FRAS1: variants seen among roughly 807,000 people sequenced by gnomAD.
The protein encoded by FRAS1 is Fraser extracellular matrix complex subunit 1.
Under a neutral mutation model 435.2 loss-of-function variants are expected in FRAS1, and 290 were observed. The observed-to-expected ratio is 0.67, with a 90% CI of 0.61 to 0.73. FRAS1 has a LOEUF of 0.73. Among genes scored for constraint, FRAS1 ranks in the 30% least tolerant of loss-of-function variants. FRAS1 has a pLI of 0.00. For synonymous variants in FRAS1, 1,800 were observed against 1,851.0 expected (o/e 0.97, Z 0.71); for missense variants, 4,860 against 5,001.5 (o/e 0.97, Z 0.85).
chr4:78,186,733 A>G (rs1239631629), intron 2 of FRAS1, among the ~76,000 whole-genome samples: 2 of 152,234 alleles, frequency 1.3e-5, no homozygotes, highest in African/African-American at 4.8e-5. Context: ...AACTAAATAT[A>G]TAAATAACAA....
intron 2 of FRAS1, among the ~76,000 whole-genome samples, chr4:78,209,375 A>T (rs1026517774): frequency 6.6e-6 from 1 of 152,080 alleles, no homozygotes. Context: ...AAGCAATGGA[A>T]GACACCACAG....
chr4:78,217,368 C>A (rs1314505352), intron 2 of FRAS1, among the ~76,000 whole-genome samples: 2 of 152,138 alleles, frequency 1.3e-5, no homozygotes, highest in Non-Finnish European at 2.9e-5. Context: ...ATAAAATTAA[C>A]CATGACATAT....
chr4:78,181,218 C>A, intron 2 of FRAS1: 2 of 1,609,468 alleles, frequency 1.2e-6, no homozygotes, highest in Non-Finnish European at 1.7e-6. Context: ...GCCTTCCACT[C>A]ATCCAAAGTC....
intron 2 of FRAS1, among the ~76,000 whole-genome samples, chr4:78,209,208 G>A (rs926522721): frequency 1.3e-5 from 2 of 151,924 alleles, no homozygotes; most frequent in Admixed American, 1.3e-4. Context: ...AGTTTAGGTC[G>A]TACTGAAAAG....
intron 59 of FRAS1, among the ~76,000 whole-genome samples, chr4:78,489,491 A>G (rs1402000003): frequency 1.3e-5 from 2 of 152,150 alleles, no homozygotes; most frequent in African/African-American, 4.8e-5. Flanking sequence ...AAGGAGGGAG[A>G]GGAGGGTCTC....
chr4:78,447,974 G>T, intron 43 of FRAS1, 79 bp from the exon 44 acceptor site: 1 of 1,348,514 alleles, frequency 7.4e-7, no homozygotes. Flanking sequence ...ATACTACTTG[G>T]AAAAATCAGA....
At chr4:78,215,248 T>TGCAA (rs536785854) in intron 2 of FRAS1, among the ~76,000 whole-genome samples, 21 of 151,984 alleles carry the variant, frequency 1.4e-4, no homozygotes, top group Admixed American at 2.6e-4. Flanking sequence ...CAGGCTGGAG[T>TGCAA]GCAATGGTGT....
intron 15 of FRAS1, among the ~76,000 whole-genome samples, chr4:78,311,119 A>C: frequency 6.6e-6 from 1 of 152,184 alleles, no homozygotes; most frequent in East Asian, 1.9e-4. Flanking sequence ...TAATAAATCA[A>C]AGCATAATAA....
Position 78,452,279 on chromosome 4 carries a change from A to G in FRAS1, c.6688A>G (p.Ser2230Gly). The change falls in exon 47 of 74, where the codon AGT becomes GGT. Residue 2230 changes from serine (S) to glycine (G), a missense_variant. Coordinates refer to ENST00000512123, the MANE Select transcript of FRAS1 (RefSeq NM_025074.7). ...TLQLSATDQD[S>G]GPTELIYRIT... ...GCAGCTGTCTGCCACTGACCAGGAC[A>G]GTGGGCCTACAGAATTGATCTACAG... 1 of 1,613,626 alleles carries G rather than the reference A, an allele frequency of 6.2e-7. No individual in the cohort carries two copies. The highest frequency in any genetic ancestry group is 1.3e-5 in the African/African-American group (1 of 75,026).
At chr4:78,206,384 G>C (rs1723257979) in intron 2 of FRAS1, among the ~76,000 whole-genome samples, 1 of 152,114 alleles carries the variant, frequency 6.6e-6, no homozygotes, top group Non-Finnish European at 1.5e-5. Context: ...CCTTAAGAAA[G>C]AAGCTGCCCA....
At chr4:78,082,180 T>A (rs758290613) in intron 2 of FRAS1, among the ~76,000 whole-genome samples, 2 of 152,136 alleles carry the variant, frequency 1.3e-5, no homozygotes, top group African/African-American at 2.4e-5. Context: ...CTATAGCAAT[T>A]TGATTCCCAC....
intron 61 of FRAS1, among the ~76,000 whole-genome samples, chr4:78,506,343 C>G (rs1720840759): frequency 6.6e-6 from 1 of 152,232 alleles, no homozygotes; most frequent in African/African-American, 2.4e-5. Flanking sequence ...TTCAGCTATG[C>G]CCTGCCCACA....
At chr4:78,236,829 T>C (rs1362697661) in intron 2 of FRAS1, among the ~76,000 whole-genome samples, 2 of 152,182 alleles carry the variant, frequency 1.3e-5, no homozygotes, top group Non-Finnish European at 2.9e-5. Flanking sequence ...AGTAATAACA[T>C]AGTAACATTA....
intron 2 of FRAS1, among the ~76,000 whole-genome samples, chr4:78,098,952 T>A (rs941063812): frequency 2.6e-5 from 4 of 152,202 alleles, no homozygotes; most frequent in African/African-American, 9.6e-5. Context: ...GCTCTCTTTT[T>A]ATGGGTGGGA....
intron 50 of FRAS1, among the ~76,000 whole-genome samples, chr4:78,466,985 A>G (rs1175820865): frequency 6.6e-6 from 1 of 152,178 alleles, no homozygotes; most frequent in Non-Finnish European, 1.5e-5. Context: ...TTTATGGGGT[A>G]CATGAGATGT....
intron 2 of FRAS1, among the ~76,000 whole-genome samples, chr4:78,196,418 T>A (rs567111060): frequency 9.2e-5 from 14 of 152,342 alleles, no homozygotes; most frequent in Non-Finnish European, 1.6e-4. Context: ...TTTTACTGGG[T>A]AAATAATGAA....
At position 78,534,535 on chromosome 4, in the gene FRAS1, A is replaced by G; in HGVS notation, c.11012A>G (p.Asn3671Ser). 1.2e-6 allele frequency: 2 copies of G among 1,613,732 alleles called. No individual in the cohort carries two copies. The highest frequency in any genetic ancestry group is 1.7e-6 in the Non-Finnish European group (2 of 1,179,644). ...AACACTGAATTTCAGCTCTGCAATAATGAGAAGGTGTTCCTAATGGATCCC... is the reference window on the plus strand; with the variant it reads ...AACACTGAATTTCAGCTCTGCAATAGTGAGAAGGTGTTCCTAATGGATCCC... ...SLNTEFQLCNNEKVFLMDPNT... is the reference protein window; with the variant it reads ...SLNTEFQLCNSEKVFLMDPNT... Residue 3671 changes from asparagine to serine, a missense_variant, in exon 71 of 74, where the codon AAT (asparagine) becomes AGT (serine). Physicochemically the swap from Asn to Ser is conservative, Grantham distance 46. Transcript: ENST00000512123.
chr4:78,382,807 G>A (rs1375845688), intron 27 of FRAS1, among the ~76,000 whole-genome samples: 2 of 152,128 alleles, frequency 1.3e-5, no homozygotes, highest in Non-Finnish European at 2.9e-5. Flanking sequence ...TTTTATAGTT[G>A]CTCCTTTACC....
Position 78,374,342 on chromosome 4 carries a change from A to T in FRAS1, c.3151+91A>T, listed in dbSNP as rs1269307689. The T allele has an allele frequency of 4.6e-6, 6 of 1,295,170 alleles. No homozygotes were observed. In the African/African-American group the frequency reaches 8.8e-5, roughly 19 times the overall value. The allele number at this position is 1,295,170 out of a possible 1,614,324, so 80.2% of individuals were successfully genotyped here. A position where few individuals can be genotyped will look rare whatever the true frequency, so the allele number is the denominator to read the frequency against. On this transcript the variant is annotated intron_variant, in intron 25 of 73. Coordinates refer to ENST00000512123, the MANE Select transcript of FRAS1 (RefSeq NM_025074.7). The stretch of plus-strand genomic sequence containing the variant: ...CTCTCAGGTATCCAAGAATACTTAA[A>T]TTAGAAAGCAGAATGAAAGCCCAGA...
Sources: allele counts gnomAD v4.1 joint callset (sites outside exome capture counted in the v4.1 genomes callset), GRCh38; gene constraint gnomAD v4.1.1; transcripts MANE v1.5; gene names NCBI Gene and HGNC (gene_info 2026-07-23, HGNC 2026-07-21).